SLC9A5: variants seen among roughly 807,000 people sequenced by gnomAD.
SLC9A5 encodes the protein solute carrier family 9 member A5, also known as sodium/hydrogen exchanger 5.
In SLC9A5, 52 loss-of-function variants were observed where a neutral mutation model predicts 91.7. The ratio of observed to expected loss-of-function variants is 0.57; its 90% CI spans 0.45 to 0.71. SLC9A5 has a LOEUF of 0.71. SLC9A5 is among the 30% of genes least tolerant of loss of function. The pLI, the probability that SLC9A5 is intolerant of heterozygous loss-of-function variation, is 0.00. For synonymous variants in SLC9A5, 419 were observed against 474.5 expected (o/e 0.88, Z 1.52); for missense variants, 871 against 1,158.9 (o/e 0.75, Z 3.61).
At chr16:67,260,721 G>C (rs576479736) in intron 12 of SLC9A5, among the ~76,000 whole-genome samples, 1 of 152,322 alleles carries the variant, frequency 6.6e-6, no homozygotes, top group Admixed American at 6.5e-5. Flanking sequence ...AAGCCTCCTA[G>C]ACCAGCTTAG....
chr16:67,259,547 G>A (rs1348851447), intron 10 of SLC9A5, 26 bp from the exon 11 acceptor site: 1 of 1,585,046 alleles, frequency 6.3e-7, no homozygotes, highest in East Asian at 2.2e-5. Context: ...CTGATTGCTG[G>A]CTGACCTTGG....
Position 67,259,838 on chromosome 16 carries a change from A to T in SLC9A5, c.1734A>T (p.Gly578=). The T allele has an allele frequency of 6.2e-7, 1 of 1,614,066 alleles. No homozygotes were observed. Among genetic ancestry groups the T allele is most frequent in the Middle Eastern group, 1.7e-4 (1 of 6,058 alleles). ...CCTGCAGGAGGGAGAGTGGCAGTGGAGCGTGTCTGGATCTGCAGGTGATTG... is the reference window on the plus strand; with the variant it reads ...CCTGCAGGAGGGAGAGTGGCAGTGGTGCGTGTCTGGATCTGCAGGTGATTG... ...VTNLLRESGS[G]ACLDLQVIDT... Residue 578 remains glycine, a synonymous_variant, in exon 12 of 16, where the codon GGA becomes GGT. Coordinates refer to ENST00000299798, the MANE Select transcript of SLC9A5 (RefSeq NM_004594.3).
Position 67,259,896 on chromosome 16 carries a change from G to A in SLC9A5, c.1792G>A (p.Ala598Thr). 1 of 1,614,160 alleles carries A rather than the reference G, an allele frequency of 6.2e-7. No individual in the cohort carries two copies. The highest frequency in any genetic ancestry group is 2.2e-5 in the East Asian group (1 of 44,886). The change falls in exon 12 of 16, where the codon GCT (alanine) becomes ACT (threonine). Residue 598 changes from alanine (A) to threonine (T), a missense_variant. Coordinates refer to ENST00000299798, the MANE Select transcript of SLC9A5 (RefSeq NM_004594.3). ...TVRSGRDRED[A>T]VMHHLLCGGL... ...ACGCAGCGGCCGGGATCGTGAGGATGCTGTGATGCATCATCTGCTCTGCGG... is the reference window on the plus strand; with the variant it reads ...ACGCAGCGGCCGGGATCGTGAGGATACTGTGATGCATCATCTGCTCTGCGG...
chr16:67,249,125 C>T lies in SLC9A5; in HGVS notation c.111C>T (p.Phe37=). The stretch of plus-strand genomic sequence containing the variant: ...AGCCTCCCCCAGGCTTAGAGCTCTT[C>T]CGCTGGCAGTGGCACGAGGTGGAGG... ...PGEPPPGLEL[F]RWQWHEVEAP... The change falls in exon 1 of 16, where the codon TTC becomes TTT. Residue 37 remains phenylalanine, a synonymous_variant. Transcript: ENST00000299798. 1.3e-6 allele frequency: 2 copies of T among 1,557,286 alleles called. No homozygotes were observed. Among genetic ancestry groups the T allele is most frequent in the Non-Finnish European group, 1.7e-6 (2 of 1,157,876 alleles).
intron 15 of SLC9A5, among the ~76,000 whole-genome samples, chr16:67,268,221 T>C (rs905186662): frequency 4.0e-5 from 6 of 151,306 alleles, no homozygotes; most frequent in African/African-American, 9.7e-5. Flanking sequence ...CTTGTTATGT[T>C]GCCCAGGCTA....
At chr16:67,251,004 G>T (rs1396924703) in intron 1 of SLC9A5, among the ~76,000 whole-genome samples, 1 of 152,120 alleles carries the variant, frequency 6.6e-6, no homozygotes, top group African/African-American at 2.4e-5. Context: ...TTAACATTTG[G>T]TGTGTGTCTA....
In SLC9A5 at chr16:67,255,258, C is replaced by G; in HGVS notation, c.654+74C>G. 6.4e-7 allele frequency: 1 copy of G among 1,561,600 alleles called. No individual in the cohort carries two copies. The highest frequency in any genetic ancestry group is 8.7e-7 in the Non-Finnish European group (1 of 1,143,888). The stretch of plus-strand genomic sequence containing the variant: ...CTGACCAACTAGGGGTCTGCGCAGA[C>G]TCAGTCCCTTCCCTTGGGTCCCCTG... On this transcript the variant is annotated intron_variant, in intron 3 of 15. Coordinates refer to ENST00000299798, the MANE Select transcript of SLC9A5 (RefSeq NM_004594.3). This position sits in a 1 kb window ranked among gnomAD's most constrained non-coding sequence, Gnocchi z 4.9.
Position 67,256,420 on chromosome 16 carries a change from G to GC in SLC9A5, c.912-44dup. 1 of 1,332,892 alleles carries GC rather than the reference G, an allele frequency of 7.5e-7. No homozygotes were observed. The allele number at this position is 1,332,892 out of a possible 1,614,324, so 82.6% of individuals were successfully genotyped here. On this transcript the variant is annotated intron_variant, in intron 5 of 15. Coordinates refer to ENST00000299798, the MANE Select transcript of SLC9A5 (RefSeq NM_004594.3). The surrounding 1 kb of genome is among the most constrained non-coding windows in gnomAD (Gnocchi z 4.1). The stretch of plus-strand genomic sequence containing the variant: ...AGTATGCTCAAACCCTGGAGGCTGA[G>GC]CCCCCTGGAACCCTTCCCCACTTGC...
intron 15 of SLC9A5, among the ~76,000 whole-genome samples, chr16:67,267,784 T>C (rs1359850596): frequency 6.6e-6 from 1 of 152,206 alleles, no homozygotes; most frequent in Non-Finnish European, 1.5e-5. Flanking sequence ...CCCTCAAGTG[T>C]CTTTAAACAT....
Position 67,271,062 on chromosome 16 carries a change from C to G in SLC9A5, c.2543C>G (p.Ala848Gly). Residue 848 changes from alanine (A) to glycine (G), a missense_variant, in exon 16 of 16, where the codon GCT (alanine) becomes GGT (glycine). This residue lies in a region of SLC9A5 where 295 missense variants were observed against 326.0 expected (regional missense o/e 0.90). Coordinates refer to ENST00000299798, the MANE Select transcript of SLC9A5 (RefSeq NM_004594.3). Reference sequence around the variant, plus strand: ...GCCTTCCCACCGAGCCTGGCCAAGGCTGGCCGCTCTCGCAGTGAGAGCAGC... The same window carrying G: ...GCCTTCCCACCGAGCCTGGCCAAGGGTGGCCGCTCTCGCAGTGAGAGCAGC... Reference protein sequence around the residue: ...SFAFPPSLAKAGRSRSESSAD... With the variant: ...SFAFPPSLAKGGRSRSESSAD... 6.2e-7 allele frequency: 1 copy of G among 1,612,062 alleles called. No individual in the cohort carries two copies. The highest frequency in any genetic ancestry group is 8.5e-7 in the Non-Finnish European group (1 of 1,178,478).
At position 67,267,205 on chromosome 16, in the gene SLC9A5, G is replaced by A. The variant is rs569146447; in HGVS notation, c.2218+980G>A. On this transcript the variant is annotated intron_variant, in intron 15 of 15. Coordinates refer to ENST00000299798, the MANE Select transcript of SLC9A5 (RefSeq NM_004594.3). ...GGGTTCAAGTGATTCTTCTGCCTCC[G>A]CCTCCCGAGTAGCTGGGATTACAGG... Among the ~76,000 whole-genome samples, 25 of 147,574 alleles carry A rather than the reference G, an allele frequency of 1.7e-4. 1 individual carries two copies. The highest frequency in any genetic ancestry group is 5.0e-4 in the African/African-American group (20 of 39,916).
chr16:67,259,701 C>T, intron 11 of SLC9A5, 40 bp downstream of exon 11: 1 of 1,598,178 alleles, frequency 6.3e-7, no homozygotes, highest in African/African-American at 1.3e-5. Context: ...ATACTCCTCT[C>T]CATTGTGCCC....
chr16:67,249,209 C>A lies in SLC9A5; in HGVS notation c.187+8C>A. 6.9e-7 allele frequency: 1 copy of A among 1,451,122 alleles called. No homozygotes were observed. Among genetic ancestry groups the A allele is most frequent in the South Asian group, 1.4e-5 (1 of 72,954 alleles). 89.9% of individuals were successfully genotyped at this position (1,451,122 alleles called of 1,614,324 possible). A position where few individuals can be genotyped will look rare whatever the true frequency, so the allele number is the denominator to read the frequency against. The stretch of plus-strand genomic sequence containing the variant: ...CCAGTCTGGCCAAAATCGGTGAGTG[C>A]GTGTGTGCGTGCGCCAGGCCGACCG... On this transcript the variant is annotated splice_region_variant and intron_variant, in intron 1 of 15. Transcript: ENST00000299798.
chr16:67,268,678 ATATATATATATATATAT>A (rs2035809613), intron 15 of SLC9A5, among the ~76,000 whole-genome samples: 2 of 51,506 alleles, frequency 3.9e-5, no homozygotes, highest in African/African-American at 2.3e-4. Flanking sequence ...ATATATATAT[ATATATATATATATATAT>A]ATATATATAT....
chr16:67,266,325 C>A, intron 15 of SLC9A5, 100 bp downstream of exon 15: 1 of 1,199,334 alleles, frequency 8.3e-7, no homozygotes, highest in Non-Finnish European at 1.1e-6. Context: ...TTCCTATTCA[C>A]TAGTTTATTC....
At chr16:67,262,115 G>C (rs192028528) in intron 12 of SLC9A5, 4 of 348,190 alleles carry the variant, frequency 1.1e-5, no homozygotes, top group African/African-American at 8.4e-5. Flanking sequence ...TCCCATGTCT[G>C]CCACCAAATG....
Position 67,257,175 on chromosome 16 carries a change from G to T in SLC9A5, c.1335+62G>T. ...GGGCAGGCCCTGGGGGAGTCTTGGA[G>T]CCTGTGGGACAGGGGCTTCTCTTCC... On this transcript the variant is annotated intron_variant, in intron 7 of 15. Coordinates refer to ENST00000299798, the MANE Select transcript of SLC9A5 (RefSeq NM_004594.3). This position sits in a 1 kb window ranked among gnomAD's most constrained non-coding sequence, Gnocchi z 5.1. 2 of 1,519,754 alleles carry T rather than the reference G, an allele frequency of 1.3e-6. No individual in the cohort carries two copies. The highest frequency in any genetic ancestry group is 1.8e-6 in the Non-Finnish European group (2 of 1,114,392). The allele number at this position is 1,519,754 out of a possible 1,614,324, so 94.1% of individuals were successfully genotyped here. A position where few individuals can be genotyped will look rare whatever the true frequency, so the allele number is the denominator to read the frequency against.
At position 67,259,617 on chromosome 16, in the gene SLC9A5, GC is replaced by G. The variant is rs751699983; in HGVS notation, c.1674del (p.Ser559AlafsTer14). 6.2e-7 allele frequency: 1 copy of G among 1,614,120 alleles called. No homozygotes were observed. The highest frequency in any genetic ancestry group is 8.5e-7 in the Non-Finnish European group (1 of 1,180,034). ...CCACAGGTCTCACTCTGCCTTCTAT[GC>G]CCAGCCGCAATTCTGTGGCAGAAAC... is the stretch of plus-strand genomic sequence containing the variant. Reference protein sequence around the residue: ...SSTGLTLPSMPSRNSVAETSV... With the variant: ...SSTGLTLPSMXSRNSVAETSV... On this transcript the variant is annotated frameshift_variant, in exon 11 of 16. Coordinates refer to ENST00000299798, the MANE Select transcript of SLC9A5 (RefSeq NM_004594.3). LOFTEE classifies it high-confidence loss of function.
At chr16:67,265,167 C>A in intron 14 of SLC9A5, 61 bp downstream of exon 14, 1 of 1,544,888 alleles carries the variant, frequency 6.5e-7, no homozygotes, top group Non-Finnish European at 8.9e-7. Context: ...CTGGGGCTTG[C>A]CAGCCAGAAT....
Sources: allele counts gnomAD v4.1 joint callset (sites outside exome capture counted in the v4.1 genomes callset), GRCh38; gene constraint gnomAD v4.1.1; regional missense constraint gnomAD v4.1.1; non-coding constraint Gnocchi (gnomAD v3.1); transcripts MANE v1.5; gene names NCBI Gene and HGNC (gene_info 2026-07-23, HGNC 2026-07-21).